The following SLAIN2 variants were observed in gnomAD, a reference collection of about 807,000 sequenced individuals.
SLAIN2 encodes the protein SLAIN family member 2.
SLAIN2 carries 31 observed loss-of-function variants against 56.6 expected under a neutral mutation model. The observed-to-expected ratio is 0.55, with a 90% CI of 0.41 to 0.74. The LOEUF (loss-of-function observed/expected upper bound fraction) is 0.74, where lower values mean the gene tolerates loss of function less well. SLAIN2 is among the 30% of genes least tolerant of loss of function. The probability of loss-of-function intolerance (pLI) is 0.00; values close to 1 mark genes in which losing one functional copy is unlikely to be tolerated. For missense variants in SLAIN2, 777 were observed against 754.2 expected (o/e 1.03, Z -0.35); for synonymous variants, 317 against 284.9 (o/e 1.11, Z -1.13).
intron 3 of SLAIN2, 64 bp downstream of exon 3, chr4:48,378,124 A>G: frequency 6.7e-7 from 1 of 1,499,818 alleles, no homozygotes; most frequent in Non-Finnish European, 9.1e-7. Flanking sequence ...TGTATCAGAA[A>G]ATAACATTCA....
At chr4:48,383,496 T>A in intron 5 of SLAIN2, 151 bp from the exon 6 acceptor site, 1 of 725,888 alleles carries the variant, frequency 1.4e-6, no homozygotes, top group Non-Finnish European at 2.1e-6. Context: ...TCGAGTTGTT[T>A]GTTTTTTTTA....
chr4:48,356,648 A>G (rs1327855592), intron 1 of SLAIN2, among the ~76,000 whole-genome samples: 1 of 152,212 alleles, frequency 6.6e-6, no homozygotes, highest in Non-Finnish European at 1.5e-5. Context: ...GTCTCACTGT[A>G]ACTAGTGTTT....
chr4:48,382,863 G>A lies in SLAIN2; in HGVS notation c.1158G>A (p.Gln386=). ...VSPQPMISRL[Q]QPRLSLQGHP... Reference sequence around the variant, plus strand: ...CACAGCCTATGATTAGCCGCTTACAGCAACCTCGCCTTTCACTTCAAGGCC... The same window carrying A: ...CACAGCCTATGATTAGCCGCTTACAACAACCTCGCCTTTCACTTCAAGGCC... Residue 386 remains glutamine, a synonymous_variant, in exon 5 of 8, where the codon CAG becomes CAA. Transcript: ENST00000264313. 1 of 1,613,556 alleles carries A rather than the reference G, an allele frequency of 6.2e-7. No homozygotes were observed. Among genetic ancestry groups the A allele is most frequent in the Non-Finnish European group, 8.5e-7 (1 of 1,179,758 alleles).
chr4:48,383,344 A>G (rs1716019763), intron 5 of SLAIN2, among the ~76,000 whole-genome samples: 2 of 151,504 alleles, frequency 1.3e-5, no homozygotes, highest in African/African-American at 4.8e-5. Flanking sequence ...AATAAAAGAG[A>G]AAGTGAATTT....
intron 6 of SLAIN2, among the ~76,000 whole-genome samples, chr4:48,419,700 T>C (rs1238025680): frequency 1.3e-5 from 2 of 152,218 alleles, no homozygotes; most frequent in East Asian, 1.9e-4. Context: ...AGCCTCCAGA[T>C]ACTTGATACA....
In SLAIN2 at chr4:48,378,033, A is replaced by G; in HGVS notation, c.676A>G (p.Lys226Glu). Residue 226 changes from lysine (K) to glutamate (E), a missense_variant, in exon 3 of 8, where the codon AAA becomes GAA. By Grantham distance (56) the Lys-to-Glu change is moderately conservative (BLOSUM62 1). Coordinates refer to ENST00000264313, the MANE Select transcript of SLAIN2 (RefSeq NM_020846.2). ...SSTPVRPPIVKQLILPGNSGN... is the reference protein window; with the variant it reads ...SSTPVRPPIVEQLILPGNSGN... ...AACCCCAGTGCGACCTCCTATAGTCAAACAGCTTATACTTCCTGGAAATTC... is the reference window on the plus strand; with the variant it reads ...AACCCCAGTGCGACCTCCTATAGTCGAACAGCTTATACTTCCTGGAAATTC... 1 of 1,613,526 alleles carries G rather than the reference A, an allele frequency of 6.2e-7. No individual in the cohort carries two copies. The highest frequency in any genetic ancestry group is 8.5e-7 in the Non-Finnish European group (1 of 1,179,752).
chr4:48,394,623 C>A, intron 6 of SLAIN2: 1 of 1,535,952 alleles, frequency 6.5e-7, no homozygotes, highest in African/African-American at 1.4e-5. Context: ...CAAAGCCAAA[C>A]AGTTGCTTCA....
chr4:48,379,646 T>C (rs1715920015), intron 3 of SLAIN2, 44 bp from the exon 4 acceptor site: 3 of 1,340,174 alleles, frequency 2.2e-6, no homozygotes, highest in Non-Finnish European at 2.9e-6. Flanking sequence ...TATTCAATAG[T>C]TGCTTTACCA....
chr4:48,421,190 A>G (rs1174952835), intron 7 of SLAIN2, among the ~76,000 whole-genome samples: 9 of 152,108 alleles, frequency 5.9e-5, no homozygotes, highest in Middle Eastern at 6.8e-3. Context: ...TAATTTTTGT[A>G]GAGATGGGGT....
intron 2 of SLAIN2, 125 bp from the exon 3 acceptor site, chr4:48,377,771 C>T: frequency 2.1e-6 from 2 of 936,570 alleles, no homozygotes; most frequent in East Asian, 5.3e-5. Context: ...TCCCCCACTA[C>T]CATAAGAATA....
intron 6 of SLAIN2, among the ~76,000 whole-genome samples, chr4:48,386,103 A>G (rs1405702091): frequency 6.6e-6 from 1 of 151,628 alleles, no homozygotes; most frequent in Non-Finnish European, 1.5e-5. Flanking sequence ...AAAAAAAAAA[A>G]AAAAAAGCTA....
chr4:48,405,968 C>T lies in SLAIN2; in HGVS notation c.1361-14157C>T, dbSNP rs147344778. Among the ~76,000 whole-genome samples the T allele has an allele frequency of 2.4e-3, 368 of 152,262 alleles. 2 individuals carry two copies. The highest frequency in any genetic ancestry group is 8.2e-3 in the African/African-American group (339 of 41,556). ...TTCATTATGAAATTACAGATTTAAACGTATTTTTTAATACATTTCAGGTCA... is the reference window on the plus strand; with the variant it reads ...TTCATTATGAAATTACAGATTTAAATGTATTTTTTAATACATTTCAGGTCA... On this transcript the variant is annotated intron_variant, in intron 6 of 7. Coordinates refer to ENST00000264313, the MANE Select transcript of SLAIN2 (RefSeq NM_020846.2).
At chr4:48,397,026 A>G (rs1030606971) in intron 6 of SLAIN2, among the ~76,000 whole-genome samples, 1 of 152,180 alleles carries the variant, frequency 6.6e-6, no homozygotes, top group Non-Finnish European at 1.5e-5. Flanking sequence ...TGAAGAAAAC[A>G]ATCCAGTCTA....
intron 7 of SLAIN2, among the ~76,000 whole-genome samples, 165 bp from the exon 8 acceptor site, chr4:48,421,846 A>T (rs1246115086): frequency 1.3e-5 from 2 of 151,748 alleles, no homozygotes; most frequent in East Asian, 1.9e-4. Flanking sequence ...GAAAATGCAG[A>T]GTGTGGGGAG....
intron 6 of SLAIN2, among the ~76,000 whole-genome samples, chr4:48,398,561 A>G (rs1297352450): frequency 6.6e-6 from 1 of 151,936 alleles, no homozygotes; most frequent in African/African-American, 2.4e-5. Context: ...TCATCATGCA[A>G]CCTTTGCCCA....
chr4:48,391,211 C>A (rs1227118978), intron 6 of SLAIN2, among the ~76,000 whole-genome samples: 3 of 152,090 alleles, frequency 2.0e-5, no homozygotes, highest in Non-Finnish European at 4.4e-5. Flanking sequence ...GGGTTGGAGG[C>A]ACACATTTCG....
intron 6 of SLAIN2, among the ~76,000 whole-genome samples, chr4:48,417,780 G>T (rs1389244556): frequency 4.7e-5 from 7 of 149,486 alleles, no homozygotes; most frequent in African/African-American, 1.5e-4. Context: ...TGCAGAAAAA[G>T]CCTTTGACAA....
chr4:48,345,297 C>T (rs906633052), intron 1 of SLAIN2, among the ~76,000 whole-genome samples: 5 of 152,222 alleles, frequency 3.3e-5, no homozygotes, highest in Non-Finnish European at 7.3e-5. Flanking sequence ...TGAGCATTCC[C>T]TTCTCTTCTT....
Position 48,383,342 on chromosome 4 carries a change from AGAAAGT to A in SLAIN2, c.1223-301_1223-296del, listed in dbSNP as rs749399041. On this transcript the variant is annotated intron_variant, in intron 5 of 7. Transcript: ENST00000264313. ...TAGTGAATCATTACAAAAATAAAAGAGAAAGTGAATTTCATTTTACTTGGTTATGTT... is the reference window on the plus strand; with the variant it reads ...TAGTGAATCATTACAAAAATAAAAGAGAATTTCATTTTACTTGGTTATGTT... 1.9e-3 allele frequency among the ~76,000 whole-genome samples: 288 copies of A among 152,232 alleles called. 1 individual carries two copies. Among genetic ancestry groups the A allele is most frequent in the Admixed American group, 3.3e-3 (50 of 15,292 alleles).
Sources: allele counts gnomAD v4.1 joint callset (sites outside exome capture counted in the v4.1 genomes callset), GRCh38; gene constraint gnomAD v4.1.1; transcripts MANE v1.5; gene names NCBI Gene and HGNC (gene_info 2026-07-23, HGNC 2026-07-21).